The following TMEM178B variants were observed in gnomAD, a reference collection of about 807,000 sequenced individuals.
The protein encoded by TMEM178B is transmembrane protein 178B.
A neutral mutation model predicts 31.0 loss-of-function variants in TMEM178B; 5 were observed. That is an observed-to-expected ratio of 0.16 (90% CI 0.08 to 0.34). The LOEUF is 0.34. Ranked by LOEUF, TMEM178B falls within the 10% of genes least tolerant of loss-of-function variation. The probability of loss-of-function intolerance (pLI) is 1.00; values close to 1 mark genes in which losing one functional copy is unlikely to be tolerated. For synonymous variants in TMEM178B, 164 were observed against 164.0 expected, an observed-to-expected ratio of 1.00 and a Z score of 0.00; for missense variants, 275 against 400.3, an observed-to-expected ratio of 0.69 and a Z score of 2.67.
chr7:141,265,795 A>G (rs892282462), intron 2 of TMEM178B, among the ~76,000 whole-genome samples: 1 of 152,232 alleles, frequency 6.6e-6, no homozygotes, highest in African/African-American at 2.4e-5. Flanking sequence ...GGTAAACTGT[A>G]TAGTTTAAGG....
At chr7:141,493,426 G>T in the TMEM178B span, among the ~76,000 whole-genome samples, 5 of 152,192 alleles carry the variant, frequency 3.3e-5, no homozygotes, top group Non-Finnish European at 5.9e-5. Flanking sequence ...ACAAGAGAGA[G>T]AAAGTACCCA....
At chr7:141,459,370 C>T (rs967697214) in intron 3 of TMEM178B, among the ~76,000 whole-genome samples, 3 of 152,112 alleles carry the variant, frequency 2.0e-5, no homozygotes, top group African/African-American at 7.2e-5. Flanking sequence ...CCTAGAAATC[C>T]CATTTGTCCA....
rs1207360561 is a variant in TMEM178B, at chr7:141,238,022, T to TA, written c.496+25337dup. ...CTGGGTGACAGAGCAAGACTCTGTCTAAAAAAAAAAAAAAAAAAAGGAAAT... is the reference window on the plus strand; with the variant it reads ...CTGGGTGACAGAGCAAGACTCTGTCTAAAAAAAAAAAAAAAAAAAAGGAAAT... On this transcript the variant is annotated intron_variant, in intron 2 of 3. Coordinates refer to ENST00000565468, the MANE Select transcript of TMEM178B (RefSeq NM_001195278.2). Among the ~76,000 whole-genome samples the TA allele has an allele frequency of 9.4e-3, 1,048 of 111,626 alleles. 13 individuals carry two copies. The highest frequency in any genetic ancestry group is 0.033 in the African/African-American group (879 of 26,918). 73.2% of individuals were successfully genotyped at this position (111,626 alleles called of 152,430 possible).
chr7:141,312,563 A>G (rs968483024), intron 2 of TMEM178B, among the ~76,000 whole-genome samples: 1 of 152,238 alleles, frequency 6.6e-6, no homozygotes, highest in Admixed American at 6.5e-5. Flanking sequence ...GGGAGACAAG[A>G]GTTTCTGAGG....
At chr7:141,329,141 G>T (rs1799249973) in intron 2 of TMEM178B, among the ~76,000 whole-genome samples, 2 of 152,082 alleles carry the variant, frequency 1.3e-5, no homozygotes, top group Admixed American at 1.3e-4. Flanking sequence ...TTCCCTGAGG[G>T]GCACATCTGT....
chr7:141,084,812 C>T (rs1433213219), intron 1 of TMEM178B, among the ~76,000 whole-genome samples: 1 of 152,026 alleles, frequency 6.6e-6, no homozygotes, highest in Non-Finnish European at 1.5e-5. Flanking sequence ...TGTTTAAAAA[C>T]AGCAAGTATA....
chr7:141,229,276 C>T (rs116725731), intron 2 of TMEM178B, among the ~76,000 whole-genome samples: 3,991 of 151,906 alleles, frequency 0.026, 123 homozygotes, highest in African/African-American at 0.078. Context: ...GAGACGGAAA[C>T]CTAACAGTAA....
rs574098137 is a variant in TMEM178B, at chr7:141,201,114, G to A, written c.383-11477G>A. 5.3e-5 allele frequency among the ~76,000 whole-genome samples: 8 copies of A among 152,266 alleles called. No homozygotes were observed. The East Asian group carries it at 1.5e-3, about 29-fold the overall frequency. On this transcript the variant is annotated intron_variant, in intron 1 of 3. Coordinates refer to ENST00000565468, the MANE Select transcript of TMEM178B (RefSeq NM_001195278.2). ...AAGGACAACTTCCCGTGCACATGAA[G>A]GGGCAGAGTTGGCTTAATAGCTTTG...
chr7:141,393,775 C>T lies in TMEM178B; in HGVS notation c.497-43833C>T, dbSNP rs551536714. Among the ~76,000 whole-genome samples the T allele has an allele frequency of 1.1e-3, 162 of 152,200 alleles. 2 individuals are homozygous for T. The South Asian group carries it at 0.03, about 29-fold the overall frequency. The stretch of plus-strand genomic sequence containing the variant: ...ATACCCTTGCTTTCCTTCAGGGAGC[C>T]GTGTTTGGGGCATGGAGAATATTGG... On this transcript the variant is annotated intron_variant, in intron 2 of 3. Transcript: ENST00000565468.
intron 1 of TMEM178B, among the ~76,000 whole-genome samples, chr7:141,115,024 A>G (rs1255815488): frequency 6.6e-6 from 1 of 151,776 alleles, no homozygotes; most frequent in Non-Finnish European, 1.5e-5. Flanking sequence ...GTCAGTTAGG[A>G]TCTGTGGGAT....
intron 1 of TMEM178B, among the ~76,000 whole-genome samples, chr7:141,189,724 C>T (rs533641616): frequency 1.3e-5 from 2 of 152,266 alleles, no homozygotes; most frequent in East Asian, 1.9e-4. Context: ...CTGACTGTGT[C>T]GGCCATTCTA....
intron 2 of TMEM178B, among the ~76,000 whole-genome samples, chr7:141,259,696 AT>A (rs1797983156): frequency 6.6e-6 from 1 of 152,026 alleles, no homozygotes; most frequent in Admixed American, 6.5e-5. Flanking sequence ...TCTCATTTTT[AT>A]TTTTAAGCTG....
intron 1 of TMEM178B, among the ~76,000 whole-genome samples, chr7:141,145,518 T>C (rs1795836952): frequency 6.6e-6 from 1 of 152,218 alleles, no homozygotes; most frequent in Non-Finnish European, 1.5e-5. Context: ...CTGTCTCCTA[T>C]AAAAGAAGCT....
rs548106740 is a variant in TMEM178B at position 141,097,553 on chromosome 7, A to G, written c.382+22861A>G. ...GTCTCTTAACCTCATCCTGGTTACT[A>G]TTCAAAAATTGAAGAGAATCAGTCC... On this transcript the variant is annotated intron_variant, in intron 1 of 3. Transcript: ENST00000565468. Among the ~76,000 whole-genome samples the G allele has an allele frequency of 2.0e-5, 3 of 152,130 alleles. No individual in the cohort carries two copies. In the South Asian group the frequency reaches 6.2e-4, roughly 32 times the overall value.
intron 2 of TMEM178B, among the ~76,000 whole-genome samples, chr7:141,325,373 C>T (rs1188976660): frequency 6.6e-6 from 1 of 152,082 alleles, no homozygotes; most frequent in Non-Finnish European, 1.5e-5. Flanking sequence ...TCTGTGTTAA[C>T]TCTTTATTGT....
intron 2 of TMEM178B, among the ~76,000 whole-genome samples, chr7:141,432,919 T>C (rs1801463373): frequency 6.6e-6 from 1 of 152,182 alleles, no homozygotes; most frequent in African/African-American, 2.4e-5. Context: ...TGTAGGTCTT[T>C]CCTCTGTGCT....
intron 2 of TMEM178B, among the ~76,000 whole-genome samples, chr7:141,223,791 T>C (rs1797294657): frequency 6.6e-6 from 1 of 152,168 alleles, no homozygotes; most frequent in South Asian, 2.1e-4. Context: ...CACCATCCAA[T>C]AGAACTCCCT....
chr7:141,364,264 A>T (rs926696761), intron 2 of TMEM178B, among the ~76,000 whole-genome samples: 1 of 152,198 alleles, frequency 6.6e-6, no homozygotes, highest in Non-Finnish European at 1.5e-5. Flanking sequence ...GTATCATTTT[A>T]GTTCAGTTAG....
chr7:141,332,496 CT>C (rs1182839776), intron 2 of TMEM178B, among the ~76,000 whole-genome samples: 1 of 152,114 alleles, frequency 6.6e-6, no homozygotes, highest in Non-Finnish European at 1.5e-5. Context: ...TGAGCTTTTA[CT>C]TTTTTTTCCT....
Sources: gnomAD v4.1 joint callset for allele counts (sites outside exome capture counted in the v4.1 genomes callset) on GRCh38, gnomAD v4.1.1 for gene constraint, MANE v1.5 for transcripts, NCBI Gene and HGNC (gene_info 2026-07-23, HGNC 2026-07-21) for gene names.